TIMM23B: variants seen among roughly 807,000 people sequenced by gnomAD.
TIMM23B encodes translocase of inner mitochondrial membrane 23 homolog B.
Under a neutral mutation model 27.3 loss-of-function variants are expected in TIMM23B, and 27 were observed. The observed-to-expected ratio is 0.99, with a 90% confidence interval of 0.73 to 1.36. TIMM23B has a LOEUF of 1.36. Among genes scored for constraint, TIMM23B ranks in the 40% most tolerant of loss-of-function variants. TIMM23B has a pLI of 0.00. For missense variants in TIMM23B, 205 were observed against 244.2 expected (o/e 0.84, Z 1.07); for synonymous variants, 73 against 92.4 (o/e 0.79, Z 1.21).
chr10:49,969,777 C>G (rs1554856127), intron 6 of TIMM23B, among the ~76,000 whole-genome samples: 2 of 151,754 alleles, frequency 1.3e-5, no homozygotes, highest in East Asian at 3.9e-4. Context: ...TCCCCACGGT[C>G]TCCCTCTCCC....
At chr10:49,959,817 C>T (rs1387809351) in intron 6 of TIMM23B, among the ~76,000 whole-genome samples, 1 of 149,470 alleles carries the variant, frequency 6.7e-6, no homozygotes, top group Admixed American at 6.7e-5. Context: ...GGCATGATCT[C>T]GGCTCACTGC....
intron 2 of TIMM23B, among the ~76,000 whole-genome samples, chr10:49,947,699 C>T (rs1274682699): frequency 4.7e-4 from 71 of 152,112 alleles, no homozygotes; most frequent in African/African-American, 1.5e-3. Flanking sequence ...GAGGCTGAGG[C>T]GGGAGGATCA....
At chr10:49,947,309 A>G (rs1839382576) in intron 2 of TIMM23B, among the ~76,000 whole-genome samples, 1 of 152,172 alleles carries the variant, frequency 6.6e-6, no homozygotes, top group African/African-American at 2.4e-5. Context: ...GGTTTAGACA[A>G]TACCAACAAG....
intron 4 of TIMM23B, among the ~76,000 whole-genome samples, chr10:49,953,231 GGC>G (rs1278244443): frequency 7.2e-5 from 11 of 152,090 alleles, no homozygotes; most frequent in Admixed American, 6.5e-4. Flanking sequence ...ATTCTTCGAT[GGC>G]TACTGTTTTG....
chr10:49,965,681 ATGAAG>A (rs1191086765), intron 6 of TIMM23B, among the ~76,000 whole-genome samples: 3 of 148,088 alleles, frequency 2.0e-5, no homozygotes, highest in Non-Finnish European at 4.5e-5. Flanking sequence ...ATGAAATGAA[ATGAAG>A]TGAGAAATGA....
At chr10:49,949,531 TATC>T (rs1465998688) in intron 2 of TIMM23B, among the ~76,000 whole-genome samples, 11 of 152,148 alleles carry the variant, frequency 7.2e-5, no homozygotes, top group Admixed American at 6.6e-4. Flanking sequence ...TAAAATTCAA[TATC>T]ATTGTAGCCC....
chr10:49,952,164 A>G lies in TIMM23B; in HGVS notation c.204A>G (p.Lys68=). 6.2e-7 allele frequency: 1 copy of G among 1,604,950 alleles called. No homozygotes were observed. Among genetic ancestry groups the G allele is most frequent in the Non-Finnish European group, 8.5e-7 (1 of 1,171,654 alleles). ...DEFILPTGAN[K]TWGRFELAFF... The stretch of plus-strand genomic sequence containing the variant: ...TCATTTTACCTACCGGAGCTAATAA[A>G]ACCTGGGGCAGATTTGAGCTGGCCT... The change falls in exon 3 of 7, where the codon AAA becomes AAG. Residue 68 remains lysine (K), a synonymous_variant. Transcript: ENST00000651259.
intron 6 of TIMM23B, among the ~76,000 whole-genome samples, chr10:49,968,830 G>A (rs868955600): frequency 2.6e-5 from 4 of 152,096 alleles, no homozygotes; most frequent in African/African-American, 9.6e-5. Context: ...GCAAGACTCC[G>A]TCTCAAAAAA....
chr10:49,966,374 G>T (rs2805282), intron 6 of TIMM23B, among the ~76,000 whole-genome samples: 1 of 148,682 alleles, frequency 6.7e-6, no homozygotes, highest in East Asian at 2.0e-4. Flanking sequence ...GAAATGAAAC[G>T]AAATGAAGAA....
In TIMM23B at chr10:49,942,147, A is replaced by T; in HGVS notation, c.-48A>T. ...TTGAGGAGTAACGGCCCAGCGGACC[A>T]CCCAGGCTTGAGGCAGCGGCGGGAA... is the stretch of plus-strand genomic sequence containing the variant. On this transcript the variant is annotated 5_prime_UTR_variant, in exon 1 of 7. Coordinates refer to ENST00000651259, the MANE Select transcript of TIMM23B (RefSeq NM_001290117.2). 2 of 1,562,682 alleles carry T rather than the reference A, an allele frequency of 1.3e-6. No homozygotes were observed. The highest frequency in any genetic ancestry group is 2.3e-5 in the South Asian group (2 of 85,992).
At chr10:49,948,892 C>G (rs1839434667) in intron 2 of TIMM23B, among the ~76,000 whole-genome samples, 1 of 152,004 alleles carries the variant, frequency 6.6e-6, no homozygotes, top group Non-Finnish European at 1.5e-5. Context: ...TTCTCTCTCT[C>G]TTTTTTTTCT....
Position 49,955,771 on chromosome 10 carries a change from G to A in TIMM23B, c.403+711G>A, listed in dbSNP as rs1232846517. Among the ~76,000 whole-genome samples, 9 of 152,314 alleles carry A rather than the reference G, an allele frequency of 5.9e-5. No individual in the cohort carries two copies. The South Asian group carries it at 6.2e-4, about 11-fold the overall frequency. On this transcript the variant is annotated intron_variant, in intron 5 of 6. Coordinates refer to ENST00000651259, the MANE Select transcript of TIMM23B (RefSeq NM_001290117.2). ...AACTCATTGAAAACATAGAAAAAGC[G>A]TTTGTTATGGCAGAGTAAGGTCCTG... is the stretch of plus-strand genomic sequence containing the variant.
At chr10:49,957,305 A>G (rs1307962806) in intron 5 of TIMM23B, among the ~76,000 whole-genome samples, 55 of 143,864 alleles carry the variant, frequency 3.8e-4, no homozygotes, top group Non-Finnish European at 5.6e-4. Flanking sequence ...CACCCATGCT[A>G]GAGTGCAGTG....
At chr10:49,948,415 T>C (rs1481864390) in intron 2 of TIMM23B, among the ~76,000 whole-genome samples, 1 of 152,088 alleles carries the variant, frequency 6.6e-6, no homozygotes, top group African/African-American at 2.4e-5. Context: ...AAGTTGTAAA[T>C]GAATGTTGCT....
At chr10:49,967,694 T>C (rs1353882687) in intron 6 of TIMM23B, among the ~76,000 whole-genome samples, 4 of 152,240 alleles carry the variant, frequency 2.6e-5, no homozygotes, top group Non-Finnish European at 5.9e-5. Flanking sequence ...CAGACTATGT[T>C]ACTACTGCAA....
intron 6 of TIMM23B, among the ~76,000 whole-genome samples, chr10:49,960,500 G>A (rs1839861886): frequency 1.3e-5 from 2 of 152,140 alleles, no homozygotes; most frequent in Admixed American, 1.3e-4. Context: ...TACGCTTAAA[G>A]TAGAAAGGAG....
At position 49,965,852 on chromosome 10, in the gene TIMM23B, T is replaced by TA. The variant is rs1208289768; in HGVS notation, c.515-7156dup. Among the ~76,000 whole-genome samples, 31 of 127,798 alleles carry TA rather than the reference T, an allele frequency of 2.4e-4. 1 individual carries two copies. The highest frequency in any genetic ancestry group is 9.3e-4 in the African/African-American group (31 of 33,264). 83.8% of individuals were successfully genotyped at this position (127,798 alleles called of 152,430 possible). ...AAATGAAATAAATGAAACTAAATGA[T>TA]AAAATGGAATAATGAAATGCTGGGT... On this transcript the variant is annotated intron_variant, in intron 6 of 6. Transcript: ENST00000651259.
chr10:49,951,137 T>C (rs1441716536), intron 2 of TIMM23B, among the ~76,000 whole-genome samples: 2 of 152,216 alleles, frequency 1.3e-5, no homozygotes, highest in African/African-American at 4.8e-5. Flanking sequence ...TGTTTACTTT[T>C]GCAATTTTTG....
At chr10:49,960,786 G>A (rs1465125732) in intron 6 of TIMM23B, among the ~76,000 whole-genome samples, 1 of 152,130 alleles carries the variant, frequency 6.6e-6, no homozygotes. Flanking sequence ...CAGACCTTAA[G>A]GATGGACTGA....
Sources: gnomAD v4.1 joint callset for allele counts (sites outside exome capture counted in the v4.1 genomes callset) on GRCh38, gnomAD v4.1.1 for gene constraint, MANE v1.5 for transcripts, NCBI Gene and HGNC (gene_info 2026-07-23, HGNC 2026-07-21) for gene names.